The following CSMD1 variants were observed in gnomAD, a reference collection of about 807,000 sequenced individuals.
The protein encoded by CSMD1 is CUB and Sushi multiple domains 1.
In CSMD1, 213 loss-of-function variants were observed where a neutral mutation model predicts 417.5. That is an observed-to-expected ratio of 0.51 (90% CI 0.46 to 0.57). The LOEUF (loss-of-function observed/expected upper bound fraction) is 0.57, where lower values mean the gene tolerates loss of function less well. CSMD1 is among the 20% of genes least tolerant of loss of function. The pLI, the probability that CSMD1 is intolerant of heterozygous loss-of-function variation, is 0.00. For missense variants in CSMD1, 6,923 were observed against 4,529.7 expected (o/e 1.53, Z -15.17); for synonymous variants, 2,862 against 1,736.8 (o/e 1.65, Z -16.11).
chr8:3,805,802 G>C (rs1216748313), intron 5 of CSMD1, among the ~76,000 whole-genome samples: 2 of 151,984 alleles, frequency 1.3e-5, no homozygotes, highest in African/African-American at 4.8e-5. Flanking sequence ...CATTCACTCT[G>C]TGCAGAATTA....
intron 5 of CSMD1, among the ~76,000 whole-genome samples, chr8:3,865,603 G>C (rs1391554577): frequency 2.0e-5 from 3 of 152,274 alleles, no homozygotes; most frequent in East Asian, 1.9e-4. Context: ...CATCAGCAAA[G>C]CGCCAATGTG....
At chr8:3,239,786 C>G (rs1209276793) in intron 26 of CSMD1, among the ~76,000 whole-genome samples, 1 of 151,998 alleles carries the variant, frequency 6.6e-6, no homozygotes, top group South Asian at 2.1e-4. Context: ...GGGCGAGGAA[C>G]AGGAAAGAAG....
chr8:3,768,066 C>G (rs1159824498), intron 5 of CSMD1, among the ~76,000 whole-genome samples: 2 of 152,122 alleles, frequency 1.3e-5, no homozygotes, highest in Non-Finnish European at 2.9e-5. Context: ...GTATAGACAG[C>G]TACGGTCCAT....
intron 1 of CSMD1, among the ~76,000 whole-genome samples, chr8:4,840,868 G>T (rs571694325): frequency 2.6e-5 from 4 of 152,164 alleles, no homozygotes; most frequent in African/African-American, 9.7e-5. Context: ...ATACATTCTT[G>T]TTATTAAGTG....
chr8:4,159,305 A>C (rs144164141), intron 3 of CSMD1, among the ~76,000 whole-genome samples: 1 of 152,330 alleles, frequency 6.6e-6, no homozygotes, highest in African/African-American at 2.4e-5. Context: ...AAGTATTTTA[A>C]AAGCTAAATT....
intron 1 of CSMD1, among the ~76,000 whole-genome samples, chr8:4,767,895 T>A (rs1179870606): frequency 3.3e-5 from 5 of 152,278 alleles, no homozygotes; most frequent in Admixed American, 6.5e-5. Flanking sequence ...AGGCACATCT[T>A]ATTGTAAAAG....
intron 5 of CSMD1, among the ~76,000 whole-genome samples, chr8:3,966,146 T>C (rs564558813): frequency 6.6e-6 from 1 of 152,292 alleles, no homozygotes; most frequent in South Asian, 2.1e-4. Flanking sequence ...ACTTATAATA[T>C]CTCAGTTAAT....
intron 3 of CSMD1, among the ~76,000 whole-genome samples, chr8:4,147,810 C>A (rs758777035): frequency 1.7e-4 from 26 of 152,034 alleles, no homozygotes; most frequent in Non-Finnish European, 3.2e-4. Context: ...ACTCCAAAGC[C>A]GGGCAGGAAG....
At chr8:4,741,346 C>G (rs1160788142) in intron 1 of CSMD1, among the ~76,000 whole-genome samples, 2 of 152,160 alleles carry the variant, frequency 1.3e-5, no homozygotes, top group Admixed American at 1.3e-4. Flanking sequence ...CATACTATGT[C>G]TACATTATTC....
At chr8:4,560,562 G>C (rs1326475535) in intron 2 of CSMD1, among the ~76,000 whole-genome samples, 1 of 152,180 alleles carries the variant, frequency 6.6e-6, no homozygotes, top group East Asian at 1.9e-4. Context: ...TACAGTGTGA[G>C]CTAAAACACT....
At chr8:4,343,087 G>C (rs1308584917) in intron 3 of CSMD1, among the ~76,000 whole-genome samples, 1 of 152,042 alleles carries the variant, frequency 6.6e-6, no homozygotes, top group Admixed American at 6.6e-5. Flanking sequence ...TGGTATCTCA[G>C]TGACCAAGGG....
chr8:3,852,923 C>A (rs919904458), intron 5 of CSMD1, among the ~76,000 whole-genome samples: 3 of 152,148 alleles, frequency 2.0e-5, no homozygotes, highest in African/African-American at 4.8e-5. Flanking sequence ...ATCTTGATCC[C>A]ACCTTCCTCA....
chr8:4,594,726 G>C (rs1014320816), intron 2 of CSMD1, among the ~76,000 whole-genome samples: 8 of 152,046 alleles, frequency 5.3e-5, no homozygotes, highest in African/African-American at 9.7e-5. Flanking sequence ...ATTTGAAATT[G>C]TTACCTGCCT....
intron 3 of CSMD1, among the ~76,000 whole-genome samples, chr8:4,139,414 C>T (rs1354292033): frequency 6.6e-6 from 1 of 151,802 alleles, no homozygotes; most frequent in Non-Finnish European, 1.5e-5. Flanking sequence ...CTGTGCTAAG[C>T]ACTGGAGGTA....
chr8:4,321,490 C>A (rs1041377725), intron 3 of CSMD1, among the ~76,000 whole-genome samples: 1 of 152,062 alleles, frequency 6.6e-6, no homozygotes, highest in Non-Finnish European at 1.5e-5. Context: ...GCAAGTTAGA[C>A]AAACAAACCC....
At chr8:3,451,508 G>T (rs1478905651) in intron 12 of CSMD1, among the ~76,000 whole-genome samples, 2 of 152,156 alleles carry the variant, frequency 1.3e-5, no homozygotes, top group Non-Finnish European at 2.9e-5. Context: ...TGTAAGGAAG[G>T]GATTCAGTTT....
intron 3 of CSMD1, among the ~76,000 whole-genome samples, chr8:4,347,052 C>T (rs1800814701): frequency 6.6e-6 from 1 of 152,118 alleles, no homozygotes. Context: ...ATTATCTAGA[C>T]CAGAGACACC....
chr8:3,660,893 G>C (rs189740848), intron 7 of CSMD1, among the ~76,000 whole-genome samples: 1 of 152,086 alleles, frequency 6.6e-6, no homozygotes, highest in Non-Finnish European at 1.5e-5. Context: ...CAGATTTTTT[G>C]TATACACAGC....
chr8:3,419,297 G>A (rs185384399), intron 12 of CSMD1, among the ~76,000 whole-genome samples: 208 of 152,280 alleles, frequency 1.4e-3, no homozygotes, highest in African/African-American at 4.4e-3. Context: ...CAGGTTCACT[G>A]TAAACTTCAA....
Sources: gnomAD v4.1 joint callset for allele counts (sites outside exome capture counted in the v4.1 genomes callset) on GRCh38, gnomAD v4.1.1 for gene constraint, MANE v1.5 for transcripts, NCBI Gene and HGNC (gene_info 2026-07-23, HGNC 2026-07-21) for gene names.